Variants in STK32B observed in about 807,000 individuals in gnomAD.
STK32B encodes serine/threonine-protein kinase 32B.
In STK32B, 43 loss-of-function variants were observed where a neutral mutation model predicts 52.6. The observed-to-expected ratio is 0.82, with a 90% confidence interval of 0.64 to 1.05. STK32B has a LOEUF of 1.05. STK32B is among the 50% of genes least tolerant of loss of function. The pLI is 0.00. For missense variants in STK32B, 621 were observed against 534.6 expected (o/e 1.16, Z -1.59); for synonymous variants, 238 against 204.3 (o/e 1.17, Z -1.41).
intron 3 of STK32B, among the ~76,000 whole-genome samples, chr4:5,202,526 C>G (rs1446979231): frequency 1.3e-5 from 2 of 152,242 alleles, no homozygotes; most frequent in African/African-American, 4.8e-5. Flanking sequence ...GTGAGAGGGT[C>G]TCAACCCCAT....
In STK32B at chr4:5,378,745, G is replaced by C. The variant is rs781060090; in HGVS notation, c.435-19462G>C. Among the ~76,000 whole-genome samples the C allele has an allele frequency of 3.3e-5, 5 of 152,154 alleles. No homozygotes were observed. The highest frequency in any genetic ancestry group is 7.4e-5 in the Non-Finnish European group (5 of 68,024). ...TAGTCAGCACACCTGCTGCTGGTTG[G>C]TGGAAATGTCTTTGAGAAACGCTGG... On this transcript the variant is annotated intron_variant, in intron 4 of 11. Coordinates refer to ENST00000282908, the MANE Select transcript of STK32B (RefSeq NM_018401.3). This position sits in a 1 kb window ranked among gnomAD's most constrained non-coding sequence, Gnocchi z 4.4.
Position 5,387,657 on chromosome 4 carries a change from A to G in STK32B, c.435-10550A>G, listed in dbSNP as rs1379032408. On this transcript the variant is annotated intron_variant, in intron 4 of 11. Transcript: ENST00000282908. ...TCGGTCAAGCGACTCTGCCCCTAAC[A>G]TCTCTGCCCCACCCAGAGGATGGAA... 2.0e-5 allele frequency among the ~76,000 whole-genome samples: 3 copies of G among 152,242 alleles called. No individual in the cohort carries two copies. In the East Asian group the frequency reaches 5.8e-4, roughly 29 times the overall value.
At chr4:5,163,580 G>GTA (rs1216207605) in intron 2 of STK32B, among the ~76,000 whole-genome samples, 1 of 125,372 alleles carries the variant, frequency 8.0e-6, no homozygotes, top group Non-Finnish European at 1.8e-5. Context: ...GTGTGTGTGT[G>GTA]TAAGAGAGAG....
chr4:5,388,089 C>G (rs932503577), intron 4 of STK32B, among the ~76,000 whole-genome samples: 2 of 152,160 alleles, frequency 1.3e-5, no homozygotes, highest in African/African-American at 4.8e-5. Context: ...GTCGCTTCAC[C>G]TCTCCAGGCT....
At chr4:5,370,339 A>T (rs1018933648) in intron 4 of STK32B, among the ~76,000 whole-genome samples, 1 of 152,216 alleles carries the variant, frequency 6.6e-6, no homozygotes, top group African/African-American at 2.4e-5. Flanking sequence ...TTGTGAATGA[A>T]TAAACACATC....
intron 3 of STK32B, among the ~76,000 whole-genome samples, chr4:5,327,396 T>C (rs1483556533): frequency 1.3e-5 from 2 of 151,546 alleles, no homozygotes; most frequent in Admixed American, 6.6e-5. Context: ...ATGGCAGTTA[T>C]AGTCTTACAA....
intron 6 of STK32B, among the ~76,000 whole-genome samples, chr4:5,432,868 T>G (rs999884514): frequency 1.3e-5 from 2 of 151,324 alleles, no homozygotes; most frequent in Middle Eastern, 3.4e-3. Context: ...CCGTTTTCTC[T>G]TCACAATAAG....
In STK32B at chr4:5,468,055, T is replaced by C; in HGVS notation, c.1091T>C (p.Ile364Thr). Residue 364 changes from isoleucine (I) to threonine (T), a missense_variant, in exon 11 of 12, where the codon ATA becomes ACA. By Grantham distance (89) the Ile-to-Thr change is moderately conservative (BLOSUM62 -1). Coordinates refer to ENST00000282908, the MANE Select transcript of STK32B (RefSeq NM_018401.3). The part of the protein sequence containing the change: ...CLETVREEFI[I>T]FNREKLRRQQ... ...GAGACTGTCCGGGAGGAATTCATCA[T>C]ATTCAACAGAGAGAAGTAAGTCCTT... 1.2e-6 allele frequency: 2 copies of C among 1,614,146 alleles called. No homozygotes were observed. The highest frequency in any genetic ancestry group is 4.5e-5 in the East Asian group (2 of 44,876).
intron 6 of STK32B, among the ~76,000 whole-genome samples, chr4:5,434,553 T>C (rs1286779760): frequency 6.6e-6 from 1 of 151,988 alleles, no homozygotes; most frequent in African/African-American, 2.4e-5. Context: ...AGAACTAGGT[T>C]GTCATCATTC....
At chr4:5,314,141 G>A (rs1292015124) in intron 3 of STK32B, among the ~76,000 whole-genome samples, 2 of 151,704 alleles carry the variant, frequency 1.3e-5, no homozygotes, top group African/African-American at 4.9e-5. Flanking sequence ...TAAAGCAGGA[G>A]TCAGCCTACT....
intron 11 of STK32B, among the ~76,000 whole-genome samples, chr4:5,496,491 G>A (rs1016845802): frequency 6.6e-6 from 1 of 151,598 alleles, no homozygotes; most frequent in Non-Finnish European, 1.5e-5. Flanking sequence ...CCCTTTCTTT[G>A]ACTAGGAAAG....
chr4:5,498,041 T>C (rs1003836125), intron 11 of STK32B, among the ~76,000 whole-genome samples: 3 of 152,090 alleles, frequency 2.0e-5, no homozygotes, highest in Non-Finnish European at 4.4e-5. Flanking sequence ...AAGTGAACAA[T>C]AGAATCCCTA....
rs1397527860 is a variant in STK32B at position 5,460,557 on chromosome 4, G to A, written c.909+329G>A. Among the ~76,000 whole-genome samples the A allele has an allele frequency of 2.0e-5, 3 of 152,200 alleles. No homozygotes were observed. The highest frequency in any genetic ancestry group is 4.4e-5 in the Non-Finnish European group (3 of 68,044). On this transcript the variant is annotated intron_variant, in intron 9 of 11. Coordinates refer to ENST00000282908, the MANE Select transcript of STK32B (RefSeq NM_018401.3). This position sits in a 1 kb window ranked among gnomAD's most constrained non-coding sequence, Gnocchi z 4.8. ...CCACAGAGCTGACTGCCGAGTAGAG[G>A]AAGACAGGCAATGACCTACCCCGAC...
intron 3 of STK32B, among the ~76,000 whole-genome samples, chr4:5,216,553 A>G: frequency 6.6e-6 from 1 of 152,200 alleles, no homozygotes. Context: ...AGGAGTTTGT[A>G]CGACTGAAAA....
At chr4:5,445,609 G>A (rs965279796) in intron 6 of STK32B, among the ~76,000 whole-genome samples, 3 of 152,026 alleles carry the variant, frequency 2.0e-5, no homozygotes, top group Non-Finnish European at 4.4e-5. Flanking sequence ...GAAGAATAAG[G>A]GTCCACCACT....
chr4:5,465,611 G>C (rs1717370499), intron 9 of STK32B, among the ~76,000 whole-genome samples: 1 of 152,190 alleles, frequency 6.6e-6, no homozygotes, highest in African/African-American at 2.4e-5. Flanking sequence ...CGTTCTGGAA[G>C]CTTGGCAAAC....
At chr4:5,056,649 C>T (rs1742016513) in intron 1 of STK32B, among the ~76,000 whole-genome samples, 1 of 152,190 alleles carries the variant, frequency 6.6e-6, no homozygotes, top group South Asian at 2.1e-4. Flanking sequence ...GAGTATCTTT[C>T]TCATAGTAGT....
At chr4:5,339,931 A>G (rs937721252) in intron 4 of STK32B, among the ~76,000 whole-genome samples, 10 of 152,080 alleles carry the variant, frequency 6.6e-5, no homozygotes, top group African/African-American at 2.4e-4. Flanking sequence ...TGTTTCCTAT[A>G]TACTCTGGGT....
intron 8 of STK32B, among the ~76,000 whole-genome samples, chr4:5,457,360 C>T (rs532538561): frequency 9.9e-5 from 15 of 151,494 alleles, no homozygotes; most frequent in African/African-American, 3.4e-4. Context: ...GGACTACAGG[C>T]ACCCGCCAAC....
Sources: allele counts gnomAD v4.1 joint callset (sites outside exome capture counted in the v4.1 genomes callset), GRCh38; gene constraint gnomAD v4.1.1; non-coding constraint Gnocchi (gnomAD v3.1); transcripts MANE v1.5; gene names NCBI Gene and HGNC (gene_info 2026-07-23, HGNC 2026-07-21).